TMEM51: variants seen among roughly 807,000 people sequenced by gnomAD.
TMEM51 encodes the protein transmembrane protein 51.
TMEM51 carries 8 observed loss-of-function variants against 13.6 expected under a neutral mutation model. That is an observed-to-expected ratio of 0.59 (90% CI 0.35 to 1.07). The LOEUF is 1.07. Among genes scored for constraint, TMEM51 ranks in the 50% least tolerant of loss-of-function variants. The pLI is 0.02. For missense variants in TMEM51, 279 were observed against 330.7 expected, an observed-to-expected ratio of 0.84 and a Z score of 1.21; for synonymous variants, 147 against 144.4, an observed-to-expected ratio of 1.02 and a Z score of -0.13.
intron 3 of TMEM51, among the ~76,000 whole-genome samples, chr1:15,218,639 A>G (rs1254808357): frequency 1.3e-5 from 2 of 152,126 alleles, no homozygotes; most frequent in African/African-American, 4.8e-5. Context: ...GATAAGGTTT[A>G]AAAAAACACT....
At chr1:15,177,510 A>G (rs1476658375) in intron 1 of TMEM51, among the ~76,000 whole-genome samples, 3 of 152,178 alleles carry the variant, frequency 2.0e-5, no homozygotes, top group African/African-American at 7.2e-5. Flanking sequence ...AAAAGAGGAC[A>G]CAGACTGAGA....
chr1:15,189,024 T>C (rs1336394020), intron 1 of TMEM51, among the ~76,000 whole-genome samples: 1 of 152,026 alleles, frequency 6.6e-6, no homozygotes, highest in Non-Finnish European at 1.5e-5. Context: ...ACTCAGGAAA[T>C]AGCAGCTGAT....
chr1:15,154,477 G>T (rs1642518808), intron 1 of TMEM51, among the ~76,000 whole-genome samples: 1 of 152,218 alleles, frequency 6.6e-6, no homozygotes, highest in Non-Finnish European at 1.5e-5. Flanking sequence ...GAGCAAAGTG[G>T]ATTGAAACTC....
chr1:15,162,794 T>G (rs924890810), intron 1 of TMEM51, among the ~76,000 whole-genome samples: 15 of 152,020 alleles, frequency 9.9e-5, no homozygotes, highest in African/African-American at 3.6e-4. Context: ...TGATTCTACT[T>G]GTATGAGGAA....
intron 1 of TMEM51, among the ~76,000 whole-genome samples, chr1:15,154,406 C>G (rs1642514682): frequency 6.6e-6 from 1 of 152,166 alleles, no homozygotes; most frequent in African/African-American, 2.4e-5. Context: ...GATTTAGATT[C>G]GTGTGTGTGT....
intron 1 of TMEM51, among the ~76,000 whole-genome samples, chr1:15,209,838 A>C (rs1019364595): frequency 1.3e-5 from 2 of 152,138 alleles, no homozygotes; most frequent in African/African-American, 4.8e-5. Flanking sequence ...TCGGACCAGC[A>C]TGGCCAACAT....
At chr1:15,164,808 T>TTTTC (rs1642930433) in intron 1 of TMEM51, among the ~76,000 whole-genome samples, 1 of 36,650 alleles carries the variant, frequency 2.7e-5, no homozygotes, top group African/African-American at 1.7e-4. Context: ...TTTTTTTTCC[T>TTTTC]TTTTTTTTTT....
At chr1:15,201,097 G>A (rs1372626138) in intron 1 of TMEM51, among the ~76,000 whole-genome samples, 1 of 152,232 alleles carries the variant, frequency 6.6e-6, no homozygotes, top group Non-Finnish European at 1.5e-5. Context: ...ATCACTCGGA[G>A]TGAGTCGTGT....
chr1:15,192,791 G>T, intron 1 of TMEM51: 1 of 172,012 alleles, frequency 5.8e-6, no homozygotes, highest in South Asian at 1.5e-4. Flanking sequence ...CTCACTTACT[G>T]ACTAATGCCT....
At chr1:15,178,552 C>G (rs1643518879) in intron 1 of TMEM51, among the ~76,000 whole-genome samples, 1 of 152,208 alleles carries the variant, frequency 6.6e-6, no homozygotes, top group African/African-American at 2.4e-5. Context: ...GGGTCTCAAA[C>G]TGCTGCTCCC....
At chr1:15,205,852 T>G (rs558967698) in intron 1 of TMEM51, among the ~76,000 whole-genome samples, 2 of 152,244 alleles carry the variant, frequency 1.3e-5, no homozygotes, top group East Asian at 3.9e-4. Flanking sequence ...ATTGTAAAAG[T>G]CTGTCTCATG....
Position 15,219,520 on chromosome 1 carries a change from A to G in TMEM51, c.539A>G (p.Glu180Gly). 1 of 1,614,026 alleles carries G rather than the reference A, an allele frequency of 6.2e-7. No individual in the cohort carries two copies. The highest frequency in any genetic ancestry group is 8.5e-7 in the Non-Finnish European group (1 of 1,180,018). ...TTPTSTRADV[E>G]ASPGNPPDRQ... ...CCCACATCCACCAGGGCTGACGTGG[A>G]GGCCAGCCCTGGGAACCCCCCTGAC... The change falls in exon 4 of 4, where the codon GAG (glutamate) becomes GGG (glycine). Residue 180 changes from glutamate (E) to glycine (G), a missense_variant. By Grantham distance (98) the Glu-to-Gly change is moderately conservative (BLOSUM62 -2). Transcript: ENST00000376008.
intron 1 of TMEM51, among the ~76,000 whole-genome samples, chr1:15,174,420 T>G (rs920693194): frequency 6.6e-6 from 1 of 152,120 alleles, no homozygotes; most frequent in Non-Finnish European, 1.5e-5. Context: ...TTCTTTAGTT[T>G]TTGTAGAAAC....
At chr1:15,187,664 A>G (rs10927706) in intron 1 of TMEM51, among the ~76,000 whole-genome samples, 9,991 of 152,286 alleles carry the variant, frequency 0.066, 512 homozygotes, top group East Asian at 0.29. Flanking sequence ...AACAGCCCAG[A>G]GGCATTCCCA....
chr1:15,171,143 GT>G, intron 1 of TMEM51: 7 of 1,275,072 alleles, frequency 5.5e-6, no homozygotes, highest in Non-Finnish European at 7.2e-6. Flanking sequence ...TGCTGATTCA[GT>G]AGGTCTGAGT....
At chr1:15,157,724 C>T (rs961777952) in intron 1 of TMEM51, among the ~76,000 whole-genome samples, 1 of 152,156 alleles carries the variant, frequency 6.6e-6, no homozygotes, top group African/African-American at 2.4e-5. Flanking sequence ...CTGGCATTAA[C>T]ACCACGGCAT....
chr1:15,193,096 C>T (rs1643966650), intron 1 of TMEM51, among the ~76,000 whole-genome samples: 1 of 152,202 alleles, frequency 6.6e-6, no homozygotes, highest in Non-Finnish European at 1.5e-5. Context: ...CGCCCAGGCA[C>T]AGCACCGGCG....
At chr1:15,203,451 CAG>C (rs1184084507) in intron 1 of TMEM51, among the ~76,000 whole-genome samples, 3 of 151,122 alleles carry the variant, frequency 2.0e-5, no homozygotes, top group South Asian at 2.1e-4. Flanking sequence ...TCAGTAGAGA[CAG>C]AGTTTCACCA....
Position 15,207,164 on chromosome 1 carries a change from G to A in TMEM51, c.-266-3326G>A, listed in dbSNP as rs77769839. ...TTATGCAGCTTGGCAGGAAGAGGTC[G>A]GTGCAGGGAGAATGCTCAAGGAGCC... On this transcript the variant is annotated intron_variant, in intron 1 of 3. Coordinates refer to ENST00000376008, the MANE Select transcript of TMEM51 (RefSeq NM_001136218.2). This position sits in a 1 kb window ranked among gnomAD's most constrained non-coding sequence, Gnocchi z 4.6. 0.039 allele frequency among the ~76,000 whole-genome samples: 5,872 copies of A among 152,218 alleles called. 381 individuals carry two copies. Among genetic ancestry groups the A allele is most frequent in the African/African-American group, 0.13 (5,549 of 41,500 alleles).
Sources: gnomAD v4.1 joint callset for allele counts (sites outside exome capture counted in the v4.1 genomes callset) on GRCh38, gnomAD v4.1.1 for gene constraint, Gnocchi (gnomAD v3.1) non-coding constraint, MANE v1.5 for transcripts, NCBI Gene and HGNC (gene_info 2026-07-23, HGNC 2026-07-21) for gene names.